Variants in PRKG1 observed in about 807,000 individuals in gnomAD.
PRKG1 encodes the protein protein kinase cGMP-dependent 1.
A neutral mutation model predicts 88.1 loss-of-function variants in PRKG1; 35 were observed. The observed-to-expected ratio is 0.40, with a 90% CI of 0.30 to 0.53. The LOEUF (loss-of-function observed/expected upper bound fraction) is 0.53. Ranked by LOEUF, PRKG1 falls within the 20% of genes least tolerant of loss-of-function variation. The pLI is 0.59. For synonymous variants in PRKG1, 303 were observed against 292.5 expected (o/e 1.04, Z -0.37); for missense variants, 540 against 839.8 (o/e 0.64, Z 4.41).
At chr10:50,998,424 ATAAT>A (rs751929100) in intron 1 of PRKG1, among the ~76,000 whole-genome samples, 2 of 152,212 alleles carry the variant, frequency 1.3e-5, no homozygotes, top group African/African-American at 4.8e-5. Context: ...GGTTTCAGAA[ATAAT>A]TATTTATTAA....
chr10:51,652,026 A>C (rs1003802206), intron 3 of PRKG1, among the ~76,000 whole-genome samples: 6 of 152,208 alleles, frequency 3.9e-5, no homozygotes, highest in African/African-American at 1.4e-4. Flanking sequence ...TTTCCAGCTC[A>C]AACTTTATCA....
intron 7 of PRKG1, among the ~76,000 whole-genome samples, chr10:52,071,353 G>A (rs1589579002): frequency 6.6e-6 from 1 of 152,192 alleles, no homozygotes; most frequent in East Asian, 1.9e-4. Flanking sequence ...GTGTTCACAT[G>A]AACTCAATGT....
chr10:51,169,725 T>C (rs1169243400), intron 2 of PRKG1, among the ~76,000 whole-genome samples: 2 of 152,196 alleles, frequency 1.3e-5, no homozygotes, highest in African/African-American at 4.8e-5. Flanking sequence ...AGACATGAAC[T>C]TGAATTCTGA....
chr10:51,977,215 G>T (rs1843860247), intron 5 of PRKG1, among the ~76,000 whole-genome samples: 1 of 151,996 alleles, frequency 6.6e-6, no homozygotes, highest in African/African-American at 2.4e-5. Flanking sequence ...GAACAAACAT[G>T]TGGTATTTGC....
chr10:52,037,036 C>T (rs1017560804), intron 5 of PRKG1, among the ~76,000 whole-genome samples: 1,741 of 147,266 alleles, frequency 0.012, no homozygotes, highest in African/African-American at 0.045. Context: ...AGTCTTCAGC[C>T]GCTAAGCCGA....
intron 5 of PRKG1, among the ~76,000 whole-genome samples, chr10:51,993,244 T>C (rs1178995074): frequency 6.6e-6 from 1 of 152,158 alleles, no homozygotes; most frequent in Non-Finnish European, 1.5e-5. Context: ...CCCTCATTAT[T>C]CCAAGGTTTT....
chr10:52,080,481 T>C (rs983150916), intron 7 of PRKG1, among the ~76,000 whole-genome samples: 5 of 152,166 alleles, frequency 3.3e-5, no homozygotes. Context: ...TGGTAATATT[T>C]TTTTCTCCTA....
At chr10:51,073,319 A>C (rs1479197645), upstream of PRKG1, among the ~76,000 whole-genome samples, 1 of 152,154 alleles carries the variant, frequency 6.6e-6, no homozygotes, top group Admixed American at 6.5e-5. Context: ...TCGCTCCTTC[A>C]CGATTTTCCC....
chr10:52,004,814 C>T (rs888129680), intron 5 of PRKG1, among the ~76,000 whole-genome samples: 3 of 152,122 alleles, frequency 2.0e-5, no homozygotes, highest in African/African-American at 7.2e-5. Flanking sequence ...GTAATCCCAG[C>T]ACACTGGGAG....
chr10:51,849,234 C>T (rs1025328173), intron 4 of PRKG1, among the ~76,000 whole-genome samples: 3 of 152,144 alleles, frequency 2.0e-5, no homozygotes, highest in Admixed American at 6.6e-5. Context: ...AAAAGAACAT[C>T]GTTCTTGGAG....
chr10:51,211,266 C>T (rs902437695), intron 2 of PRKG1, among the ~76,000 whole-genome samples: 7 of 152,074 alleles, frequency 4.6e-5, no homozygotes, highest in Non-Finnish European at 7.4e-5. Flanking sequence ...AATTCAACAA[C>T]GCTTCATGCT....
intron 3 of PRKG1, among the ~76,000 whole-genome samples, chr10:51,591,090 C>G (rs1838300328): frequency 6.6e-6 from 1 of 152,010 alleles, no homozygotes; most frequent in Non-Finnish European, 1.5e-5. Flanking sequence ...ACAGTAGAAA[C>G]AAATTGCCTG....
At chr10:51,221,691 C>T (rs1427836123) in intron 2 of PRKG1, among the ~76,000 whole-genome samples, 1 of 150,442 alleles carries the variant, frequency 6.6e-6, no homozygotes, top group Non-Finnish European at 1.5e-5. Context: ...AAGTAGAGCT[C>T]ATCTTTCTAA....
At chr10:51,018,164 C>T (rs894346923) in intron 1 of PRKG1, among the ~76,000 whole-genome samples, 1 of 152,084 alleles carries the variant, frequency 6.6e-6, no homozygotes, top group African/African-American at 2.4e-5. Context: ...TCTTCCATAA[C>T]TATTCTAGGA....
At chr10:51,108,346 C>CT (rs1844897367) in intron 1 of PRKG1, among the ~76,000 whole-genome samples, 5 of 151,480 alleles carry the variant, frequency 3.3e-5, no homozygotes, top group Admixed American at 3.3e-4. Flanking sequence ...TGCAAAAACT[C>CT]TAGCAAATTT....
chr10:52,258,741 G>A (rs905831674), intron 10 of PRKG1, among the ~76,000 whole-genome samples: 3 of 152,130 alleles, frequency 2.0e-5, no homozygotes, highest in African/African-American at 4.8e-5. Context: ...AAGAAGATAA[G>A]ATTAACATAT....
intron 3 of PRKG1, among the ~76,000 whole-genome samples, chr10:51,781,854 C>T (rs1257860659): frequency 6.6e-6 from 1 of 151,960 alleles, no homozygotes; most frequent in Non-Finnish European, 1.5e-5. Context: ...GAACATTCAC[C>T]ATCAGTTATG....
intron 2 of PRKG1, among the ~76,000 whole-genome samples, chr10:51,202,551 A>G (rs1423636390): frequency 1.2e-4 from 18 of 151,908 alleles, no homozygotes; most frequent in Non-Finnish European, 2.7e-4. Flanking sequence ...CACACACAAA[A>G]AAAGACATAG....
At chr10:52,051,855 A>C (rs752722284) in intron 5 of PRKG1, among the ~76,000 whole-genome samples, 9 of 152,294 alleles carry the variant, frequency 5.9e-5, no homozygotes, top group Non-Finnish European at 1.2e-4. Context: ...CAAGTTTATC[A>C]ATCAGATGAG....
Sources: gnomAD v4.1 joint callset for allele counts (sites outside exome capture counted in the v4.1 genomes callset) on GRCh38, gnomAD v4.1.1 for gene constraint, MANE v1.5 for transcripts, NCBI Gene and HGNC (gene_info 2026-07-23, HGNC 2026-07-21) for gene names.